The following NAA15 variants were observed in gnomAD, a reference collection of about 807,000 sequenced individuals.
NAA15 encodes the protein N-terminal acetyltransferase.
In NAA15, 34 loss-of-function variants were observed where a neutral mutation model predicts 114.0. That is an observed-to-expected ratio of 0.30 (90% CI 0.23 to 0.40). NAA15 has a LOEUF of 0.40. NAA15 is among the 10% of genes least tolerant of loss of function. NAA15 has a pLI of 1.00. For synonymous variants in NAA15, 340 were observed against 338.0 expected (o/e 1.01, Z -0.06); for missense variants, 658 against 1,004.5 (o/e 0.66, Z 4.66).
intron 1 of NAA15, among the ~76,000 whole-genome samples, chr4:139,306,299 G>C (rs539581963): frequency 7.2e-4 from 109 of 152,282 alleles, no homozygotes; most frequent in Non-Finnish European, 7.4e-4. Flanking sequence ...GAGTGCAGTG[G>C]TGTGATCTTG....
At chr4:139,312,404 A>C (rs1319638698) in intron 1 of NAA15, among the ~76,000 whole-genome samples, 3 of 151,954 alleles carry the variant, frequency 2.0e-5, no homozygotes, top group South Asian at 2.1e-4. Context: ...TACATGCTGT[A>C]CAAACTTGTA....
intron 1 of NAA15, among the ~76,000 whole-genome samples, chr4:139,320,344 C>T (rs548415077): frequency 6.6e-6 from 1 of 152,130 alleles, no homozygotes; most frequent in African/African-American, 2.4e-5. Flanking sequence ...AGTCTGGTGC[C>T]TGAACGGAGT....
intron 9 of NAA15, among the ~76,000 whole-genome samples, chr4:139,352,662 CTTTTTTTTTTTT>C (rs746490411): frequency 9.7e-6 from 1 of 103,290 alleles, no homozygotes; most frequent in Non-Finnish European, 1.9e-5. Context: ...CATAAAATAT[CTTTTTTTTTTTT>C]TTTTTTTTTT....
intron 17 of NAA15, among the ~76,000 whole-genome samples, chr4:139,381,193 C>T (rs1256207759): frequency 6.6e-6 from 1 of 152,074 alleles, no homozygotes; most frequent in African/African-American, 2.4e-5. Context: ...TATAGGAGCA[C>T]TGTCTTTTTC....
intron 1 of NAA15, among the ~76,000 whole-genome samples, chr4:139,324,368 G>A (rs907601600): frequency 1.2e-4 from 19 of 152,138 alleles, no homozygotes; most frequent in African/African-American, 3.6e-4. Context: ...AGATACTCTG[G>A]CATTTCTTCC....
chr4:139,371,496 A>AGCAC (rs1553998020), intron 15 of NAA15, among the ~76,000 whole-genome samples: 1 of 41,778 alleles, frequency 2.4e-5, no homozygotes, highest in Non-Finnish European at 6.2e-5. Context: ...AAAGAAAAGT[A>AGCAC]GCACACACAC....
intron 8 of NAA15, 59 bp from the exon 9 acceptor site, chr4:139,351,446 T>G: frequency 1.7e-6 from 2 of 1,153,668 alleles, no homozygotes; most frequent in East Asian, 4.7e-5. Flanking sequence ...AGTAAATACT[T>G]TGGTAAATGT....
chr4:139,351,308 GGA>G (rs1310553415), intron 8 of NAA15, 22 bp downstream of exon 8: 1 of 1,481,658 alleles, frequency 6.7e-7, no homozygotes, highest in East Asian at 2.3e-5. Flanking sequence ...TAATTGCAAA[GGA>G]ATAGAAATGC....
intron 17 of NAA15, among the ~76,000 whole-genome samples, chr4:139,382,314 CA>C (rs1231827221): frequency 6.6e-6 from 1 of 151,998 alleles, no homozygotes; most frequent in Non-Finnish European, 1.5e-5. Flanking sequence ...TAGTAGGCCT[CA>C]AACTTTTTGG....
intron 11 of NAA15, 50 bp from the exon 12 acceptor site, chr4:139,359,693 C>T: frequency 6.5e-7 from 1 of 1,537,654 alleles, no homozygotes; most frequent in Non-Finnish European, 8.8e-7. Flanking sequence ...ATTACCTGCA[C>T]AGTAAACTTA....
intron 1 of NAA15, among the ~76,000 whole-genome samples, chr4:139,323,166 C>G (rs1375406833): frequency 1.3e-5 from 2 of 150,690 alleles, no homozygotes; most frequent in Non-Finnish European, 2.9e-5. Flanking sequence ...AAGCGATTCT[C>G]CTGCCTCAGC....
intron 7 of NAA15, among the ~76,000 whole-genome samples, chr4:139,350,951 C>T (rs1385322806): frequency 6.6e-6 from 1 of 151,988 alleles, no homozygotes; most frequent in Non-Finnish European, 1.5e-5. Context: ...TAAAGAAGTT[C>T]TCAGGTTTTA....
intron 15 of NAA15, among the ~76,000 whole-genome samples, chr4:139,371,897 G>A (rs915895875): frequency 1.3e-5 from 2 of 151,870 alleles, no homozygotes; most frequent in Non-Finnish European, 2.9e-5. Context: ...AACTCTTCAT[G>A]TTTTCATGTA....
At chr4:139,355,183 TTAATACTTTCTTAATAATAACTA>T in intron 10 of NAA15, among the ~76,000 whole-genome samples, 2 of 152,180 alleles carry the variant, frequency 1.3e-5, no homozygotes, top group Non-Finnish European at 2.9e-5. Context: ...CTGACAAAAA[TTAATACTTTCTTAATAATAACTA>T]TTCAGTCCAT....
intron 7 of NAA15, among the ~76,000 whole-genome samples, chr4:139,349,839 G>A (rs1240058998): frequency 1.3e-5 from 2 of 151,922 alleles, no homozygotes; most frequent in African/African-American, 2.4e-5. Context: ...CAAAAAATTA[G>A]CCTGGCATGG....
chr4:139,347,960 AAGCGGAGCTTGCAGTG>A (rs930940877), intron 6 of NAA15, among the ~76,000 whole-genome samples: 9 of 151,182 alleles, frequency 6.0e-5, no homozygotes, highest in African/African-American at 2.2e-4. Context: ...TGAACCCGGG[AAGCGGAGCTTGCAGTG>A]AGCCGAGATT....
intron 12 of NAA15, 26 bp from the exon 13 acceptor site, chr4:139,360,474 C>G: frequency 6.7e-7 from 1 of 1,493,866 alleles, no homozygotes; most frequent in Non-Finnish European, 8.9e-7. Context: ...AAAAAGTGAT[C>G]TTGAAAATAT....
intron 1 of NAA15, among the ~76,000 whole-genome samples, chr4:139,319,959 T>G (rs1474214036): frequency 6.6e-6 from 1 of 152,254 alleles, no homozygotes; most frequent in Non-Finnish European, 1.5e-5. Flanking sequence ...TTATCTGTTA[T>G]CTTCTTTCTG....
intron 17 of NAA15, chr4:139,379,194 T>G (rs192415869): frequency 2.3e-5 from 4 of 172,916 alleles, no homozygotes; most frequent in Non-Finnish European, 3.6e-5. Context: ...TCTTTGAAAT[T>G]GACTGTTTTC....
Sources: allele counts gnomAD v4.1 joint callset (sites outside exome capture counted in the v4.1 genomes callset), GRCh38; gene constraint gnomAD v4.1.1; transcripts MANE v1.5; gene names NCBI Gene and HGNC (gene_info 2026-07-23, HGNC 2026-07-21).